Variants in APBB2 observed in about 807,000 individuals in gnomAD.
APBB2 encodes the protein Fe65-like 1.
APBB2 carries 38 observed loss-of-function variants against 82.5 expected under a neutral mutation model. That is an observed-to-expected ratio of 0.46 (90% CI 0.36 to 0.60). APBB2 has a LOEUF of 0.60. Ranked by LOEUF, APBB2 falls within the 20% of genes least tolerant of loss-of-function variation. The pLI, the probability that APBB2 is intolerant of heterozygous loss-of-function variation, is 0.00. For missense variants in APBB2, 772 were observed against 972.3 expected, an observed-to-expected ratio of 0.79 and a Z score of 2.74; for synonymous variants, 341 against 368.2, an observed-to-expected ratio of 0.93 and a Z score of 0.85.
At chr4:41,206,577 T>C (rs1471758278) in intron 1 of APBB2, among the ~76,000 whole-genome samples, 2 of 152,238 alleles carry the variant, frequency 1.3e-5, no homozygotes, top group African/African-American at 4.8e-5. Context: ...TCAGATAATC[T>C]GAAGAATCTG....
intron 3 of APBB2, chr4:41,084,771 T>A (rs1034031904): frequency 9.2e-5 from 14 of 152,098 alleles, no homozygotes; most frequent in African/African-American, 2.7e-4. Flanking sequence ...TACATACAAC[T>A]TTTGTTAATT....
chr4:41,070,107 C>T (rs916793036), intron 3 of APBB2, among the ~76,000 whole-genome samples: 2 of 152,166 alleles, frequency 1.3e-5, no homozygotes, highest in Admixed American at 1.3e-4. Flanking sequence ...TCACACAACC[C>T]ACTTCAGTTT....
intron 1 of APBB2, among the ~76,000 whole-genome samples, chr4:41,194,633 T>C: frequency 7.2e-5 from 11 of 152,124 alleles, no homozygotes; most frequent in Non-Finnish European, 4.4e-5. Context: ...CACCGCACTC[T>C]AGCCTTGGTG....
chr4:41,052,628 G>GCTGGTCTAC (rs1726417311), intron 4 of APBB2, among the ~76,000 whole-genome samples: 1 of 152,132 alleles, frequency 6.6e-6, no homozygotes, highest in Non-Finnish European at 1.5e-5. Context: ...GGGCTAATTG[G>GCTGGTCTAC]CTGGTCTACC....
At chr4:40,851,894 C>T (rs1365699032) in intron 12 of APBB2, among the ~76,000 whole-genome samples, 1 of 151,904 alleles carries the variant, frequency 6.6e-6, no homozygotes. Flanking sequence ...TTCTACTTTA[C>T]AGCTATAAGG....
At chr4:40,888,533 C>A (rs1200496434) in intron 12 of APBB2, among the ~76,000 whole-genome samples, 3 of 151,636 alleles carry the variant, frequency 2.0e-5, no homozygotes. Context: ...TGTAATGTCA[C>A]AAGCTCCACA....
At chr4:41,157,943 G>T (rs1376431592) in intron 1 of APBB2, among the ~76,000 whole-genome samples, 1 of 152,180 alleles carries the variant, frequency 6.6e-6, no homozygotes. Flanking sequence ...AGTGAGCCGA[G>T]ATTGCGCCAC....
chr4:41,052,208 A>AATACATACATACATACATACATACATAC (rs33920742), intron 4 of APBB2, among the ~76,000 whole-genome samples: 17 of 149,702 alleles, frequency 1.1e-4, no homozygotes, highest in Non-Finnish European at 1.8e-4. Flanking sequence ...TCTGTACAAA[A>AATACATACATACATACATACATACATAC]ATACATACAT....
chr4:41,079,613 A>G (rs183703181), intron 3 of APBB2, among the ~76,000 whole-genome samples: 7 of 151,784 alleles, frequency 4.6e-5, no homozygotes, highest in African/African-American at 1.7e-4. Flanking sequence ...CAGTGGCACA[A>G]TCTCGGCTCA....
chr4:41,102,579 T>A (rs1043681414), intron 2 of APBB2, among the ~76,000 whole-genome samples: 7 of 152,204 alleles, frequency 4.6e-5, no homozygotes, highest in Non-Finnish European at 1.0e-4. Context: ...CAAAACCAGC[T>A]GCATATGGTT....
chr4:40,856,855 G>A, intron 12 of APBB2: 1 of 792,342 alleles, frequency 1.3e-6, no homozygotes, highest in Non-Finnish European at 1.5e-6. Flanking sequence ...CAGCCGTCCA[G>A]GACCAGGCAA....
At chr4:40,906,849 G>C (rs149257069) in intron 10 of APBB2, among the ~76,000 whole-genome samples, 1 of 152,200 alleles carries the variant, frequency 6.6e-6, no homozygotes, top group Non-Finnish European at 1.5e-5. Flanking sequence ...CAAATTTAAG[G>C]TTTCCTAAAA....
chr4:40,880,423 G>A (rs1313701359), intron 12 of APBB2: 1 of 985,308 alleles, frequency 1.0e-6, no homozygotes, highest in Non-Finnish European at 1.2e-6. Flanking sequence ...GAAAAGTGGT[G>A]ACTGCACCTT....
chr4:40,971,430 T>C (rs1344204745), intron 6 of APBB2, among the ~76,000 whole-genome samples: 1 of 152,178 alleles, frequency 6.6e-6, no homozygotes, highest in Non-Finnish European at 1.5e-5. Flanking sequence ...AAGGACACAA[T>C]AATTGAAGTG....
chr4:41,036,516 A>G (rs1474011022), intron 4 of APBB2, among the ~76,000 whole-genome samples: 1 of 152,218 alleles, frequency 6.6e-6, no homozygotes, highest in East Asian at 1.9e-4. Flanking sequence ...TTTAGTGAGT[A>G]AAAACACATT....
At chr4:40,942,975 C>A (rs1324858599) in intron 7 of APBB2, among the ~76,000 whole-genome samples, 1 of 152,216 alleles carries the variant, frequency 6.6e-6, no homozygotes, top group African/African-American at 2.4e-5. Flanking sequence ...CCCGCCTGGG[C>A]CTCTGCAGGC....
chr4:40,977,707 TG>T (rs1797534239), intron 6 of APBB2, among the ~76,000 whole-genome samples: 2 of 152,190 alleles, frequency 1.3e-5, no homozygotes, highest in Non-Finnish European at 2.9e-5. Flanking sequence ...ATAAAACACA[TG>T]GTGTACATAC....
chr4:40,894,213 G>A (rs947340000), intron 10 of APBB2, among the ~76,000 whole-genome samples: 2 of 150,986 alleles, frequency 1.3e-5, no homozygotes, highest in Non-Finnish European at 3.0e-5. Flanking sequence ...GCGTGAACCC[G>A]GAAGGCAGAG....
chr4:40,979,872 T>G (rs912799438), intron 6 of APBB2, among the ~76,000 whole-genome samples: 3 of 152,232 alleles, frequency 2.0e-5, no homozygotes, highest in Non-Finnish European at 4.4e-5. Context: ...AGCTCATCCA[T>G]ATTCAGAGTT....
Sources: allele counts gnomAD v4.1 joint callset (sites outside exome capture counted in the v4.1 genomes callset), GRCh38; gene constraint gnomAD v4.1.1; transcripts MANE v1.5; gene names NCBI Gene and HGNC (gene_info 2026-07-23, HGNC 2026-07-21).